FAM78B: variants seen among roughly 807,000 people sequenced by gnomAD.
The protein encoded by FAM78B is family with sequence similarity 78 member B, also known as protein FAM78B.
A neutral mutation model predicts 20.0 loss-of-function variants in FAM78B; 10 were observed. The ratio of observed to expected loss-of-function variants is 0.50; its 90% CI spans 0.31 to 0.85. The LOEUF (loss-of-function observed/expected upper bound fraction) is 0.85, where lower values mean the gene tolerates loss of function less well. Among genes scored for constraint, FAM78B ranks in the 40% least tolerant of loss-of-function variants. The pLI is 0.05. For missense variants in FAM78B, 283 were observed against 345.0 expected (o/e 0.82, Z 1.42); for synonymous variants, 135 against 132.8 (o/e 1.02, Z -0.12).
At position 166,069,360 on chromosome 1, in the gene FAM78B, T is replaced by A. The variant is rs1651923155; in HGVS notation, c.*881A>T. 6.6e-6 allele frequency among the ~76,000 whole-genome samples: 1 copy of A among 152,212 alleles called. No individual in the cohort carries two copies. Among genetic ancestry groups the A allele is most frequent in the Non-Finnish European group, 1.5e-5 (1 of 68,028 alleles). On this transcript the variant is annotated 3_prime_UTR_variant, in exon 2 of 2. Transcript: ENST00000354422. ...CTTGAACCTTACATGGATTCATGGC[T>A]CATAACTTTTTAAATATAAATTTAG...
intron 2 of FAM78B, among the ~76,000 whole-genome samples, chr1:166,061,742 T>G (rs1327687490): frequency 6.6e-6 from 1 of 152,204 alleles, no homozygotes; most frequent in Non-Finnish European, 1.5e-5. Context: ...TGAGATTGGT[T>G]AGAATTGGTC....
chr1:166,073,991 C>T (rs1237626153), intron 1 of FAM78B, among the ~76,000 whole-genome samples: 1 of 152,194 alleles, frequency 6.6e-6, no homozygotes, highest in East Asian at 1.9e-4. Context: ...AAGCCCTCAG[C>T]ATCTCTTACC....
In FAM78B at chr1:166,166,310, G is replaced by A. The variant is rs1656379950; in HGVS notation, c.-62C>T. The A allele has an allele frequency of 8.8e-7, 1 of 1,141,630 alleles. No homozygotes were observed. Among genetic ancestry groups the A allele is most frequent in the Non-Finnish European group, 1.1e-6 (1 of 930,364 alleles). 70.7% of individuals were successfully genotyped at this position (1,141,630 alleles called of 1,614,324 possible). On this transcript the variant is annotated 5_prime_UTR_variant, in exon 1 of 2. Transcript: ENST00000354422. ...AGCGCGGGGGCCCGCGCGGGCAGCC[G>A]GGGGCGCCCGTCACGCCGGCATGGC...
At chr1:166,112,700 C>G (rs1654103452) in intron 1 of FAM78B, among the ~76,000 whole-genome samples, 1 of 152,182 alleles carries the variant, frequency 6.6e-6, no homozygotes, top group Admixed American at 6.5e-5. Context: ...AAACCAATAA[C>G]AGATGGAGAT....
chr1:166,100,278 C>T (rs528791897), intron 1 of FAM78B, among the ~76,000 whole-genome samples: 173 of 152,278 alleles, frequency 1.1e-3, no homozygotes, highest in African/African-American at 3.9e-3. Flanking sequence ...ATGCAGAAGA[C>T]GGATGATTTC....
intron 1 of FAM78B, among the ~76,000 whole-genome samples, chr1:166,152,639 A>G (rs1380363004): frequency 1.3e-5 from 2 of 151,166 alleles, no homozygotes; most frequent in Non-Finnish European, 2.9e-5. Context: ...GCTCAGGGGA[A>G]GTTCTTGGTA....
chr1:166,109,882 GTATATA>G (rs1274176169), intron 1 of FAM78B, among the ~76,000 whole-genome samples: 10 of 12,258 alleles, frequency 8.2e-4, no homozygotes, highest in Admixed American at 1.3e-3. Context: ...ATATATATAT[GTATATA>G]TGTATATATA....
At chr1:166,124,084 C>T (rs1031321979) in intron 1 of FAM78B, among the ~76,000 whole-genome samples, 2 of 152,178 alleles carry the variant, frequency 1.3e-5, no homozygotes, top group Non-Finnish European at 2.9e-5. Flanking sequence ...CTATGCCCCA[C>T]CCCGAGGCTG....
At chr1:166,077,904 A>C (rs1381499514) in intron 1 of FAM78B, among the ~76,000 whole-genome samples, 21 of 3,878 alleles carry the variant, frequency 5.4e-3, no homozygotes, top group South Asian at 0.029. Context: ...TATAATTTAT[A>C]TATATAATTA....
intron 1 of FAM78B, among the ~76,000 whole-genome samples, chr1:166,097,068 G>C (rs375070302): frequency 6.6e-6 from 1 of 152,232 alleles, no homozygotes; most frequent in East Asian, 1.9e-4. Flanking sequence ...AAGCAGGAAA[G>C]GGAGACGCTC....
intron 1 of FAM78B, among the ~76,000 whole-genome samples, chr1:166,134,753 A>G (rs147284117): frequency 3.3e-5 from 5 of 152,286 alleles, no homozygotes; most frequent in South Asian, 2.1e-4. Context: ...ACTTAAAACG[A>G]TTAGAAAATG....
At chr1:166,147,195 T>C (rs192572479) in intron 1 of FAM78B, among the ~76,000 whole-genome samples, 45 of 152,260 alleles carry the variant, frequency 3.0e-4, no homozygotes, top group Non-Finnish European at 7.4e-5. Flanking sequence ...AACACCAGGA[T>C]AGGAAAGGCT....
intron 1 of FAM78B, among the ~76,000 whole-genome samples, chr1:166,090,636 T>G (rs545876608): frequency 2.6e-5 from 4 of 152,214 alleles, no homozygotes; most frequent in Admixed American, 6.5e-5. Context: ...GAATGATTTC[T>G]TCACCACCTG....
intron 1 of FAM78B, among the ~76,000 whole-genome samples, chr1:166,108,326 C>T (rs1653868129): frequency 6.6e-6 from 1 of 152,158 alleles, no homozygotes; most frequent in Non-Finnish European, 1.5e-5. Flanking sequence ...GTACACCAAT[C>T]AGTAGCTCTT....
intron 1 of FAM78B, among the ~76,000 whole-genome samples, chr1:166,108,401 C>T (rs1239161251): frequency 6.6e-6 from 1 of 151,854 alleles, no homozygotes; most frequent in Non-Finnish European, 1.5e-5. Context: ...ACAATAGCTA[C>T]AAAAATAAGT....
chr1:166,072,200 A>T (rs1652076514), intron 1 of FAM78B, among the ~76,000 whole-genome samples: 1 of 152,124 alleles, frequency 6.6e-6, no homozygotes, highest in Non-Finnish European at 1.5e-5. Flanking sequence ...CAGCACCCTT[A>T]CTATCACATG....
chr1:166,070,458 T>C lies in FAM78B; in HGVS notation c.569A>G (p.Lys190Arg), dbSNP rs1425578633. 2 of 1,614,066 alleles carry C rather than the reference T, an allele frequency of 1.2e-6. No individual in the cohort carries two copies. The highest frequency in any genetic ancestry group is 2.7e-5 in the African/African-American group (2 of 74,940). ...TKEKIILQTIKWRMRVDIEVD... is the reference protein window; with the variant it reads ...TKEKIILQTIRWRMRVDIEVD... Reference sequence around the variant, plus strand: ...TTCAATGTCCACCCTCATCCTCCACTTGATGGTCTGCAGAATGATCTTCTC... The same window carrying C: ...TTCAATGTCCACCCTCATCCTCCACCTGATGGTCTGCAGAATGATCTTCTC... The change falls in exon 2 of 2, where the codon AAG (lysine) becomes AGG (arginine). Residue 190 changes from lysine to arginine, a missense_variant. Coordinates refer to ENST00000354422, the MANE Select transcript of FAM78B (RefSeq NM_001017961.5).
intron 1 of FAM78B, among the ~76,000 whole-genome samples, chr1:166,146,256 T>G (rs1389229883): frequency 6.6e-6 from 1 of 152,188 alleles, no homozygotes; most frequent in Non-Finnish European, 1.5e-5. Context: ...ATGACCAATT[T>G]CTATTTTCTT....
At chr1:166,156,492 T>C (rs771674072) in intron 1 of FAM78B, among the ~76,000 whole-genome samples, 2 of 152,232 alleles carry the variant, frequency 1.3e-5, no homozygotes, top group South Asian at 2.1e-4. Context: ...GCATCAGGCC[T>C]GAGTCTACCA....
Sources: allele counts gnomAD v4.1 joint callset (sites outside exome capture counted in the v4.1 genomes callset), GRCh38; gene constraint gnomAD v4.1.1; transcripts MANE v1.5; gene names NCBI Gene and HGNC (gene_info 2026-07-23, HGNC 2026-07-21).